The following TMEM164 variants were observed in gnomAD, a reference collection of about 807,000 sequenced individuals.
TMEM164 encodes transmembrane protein 164, also known as RP13-360B22.2.
TMEM164 carries 4 observed loss-of-function variants against 18.8 expected under a neutral mutation model. That is an observed-to-expected ratio of 0.21 (90% CI 0.10 to 0.49). The LOEUF is 0.49. TMEM164 is among the 20% of genes least tolerant of loss of function. The pLI, the probability that TMEM164 is intolerant of heterozygous loss-of-function variation, is 0.98. For synonymous variants in TMEM164, 86 were observed against 101.7 expected (o/e 0.85, Z 0.93); for missense variants, 108 against 239.9 (o/e 0.45, Z 3.63).
At chrX:110,093,377 G>A (rs2065963119) in intron 3 of TMEM164, among the ~76,000 whole-genome samples, 1 of 111,778 alleles carries the variant, frequency 8.9e-6, no homozygotes, top group Non-Finnish European at 1.9e-5. Context: ...GCCTGTTATT[G>A]TTATATTCAG....
At chrX:110,114,087 A>G (rs1271886823) in intron 4 of TMEM164, among the ~76,000 whole-genome samples, 2 of 111,823 alleles carry the variant, frequency 1.8e-5, no homozygotes, top group African/African-American at 6.5e-5. Flanking sequence ...TCAGTAGTCA[A>G]GGTGGGTGTC....
At chrX:110,163,656 G>A (rs1455067268) in intron 5 of TMEM164, among the ~76,000 whole-genome samples, 4 of 112,328 alleles carry the variant, frequency 3.6e-5, no homozygotes, top group Non-Finnish European at 7.5e-5. Context: ...TTTAGAACGG[G>A]AGCTATTAAA....
At chrX:110,017,405 C>CCTTCCTTTCTTT (rs1555984533) in intron 2 of TMEM164, among the ~76,000 whole-genome samples, 4 of 15,288 alleles carry the variant, frequency 2.6e-4, no homozygotes, top group African/African-American at 4.5e-4. Flanking sequence ...CCACCTCCTT[C>CCTTCCTTTCTTT]CTTTCTTTCT....
At chrX:110,144,741 T>A in intron 4 of TMEM164, 57 bp from the exon 5 acceptor site, 1 of 1,038,999 alleles carries the variant, frequency 9.6e-7, no homozygotes, top group African/African-American at 1.8e-5. Flanking sequence ...AACTTTGGAC[T>A]CTGTTGAAAT....
chrX:110,026,285 G>T (rs1934183168), intron 2 of TMEM164, among the ~76,000 whole-genome samples: 1 of 111,882 alleles, frequency 8.9e-6, no homozygotes, highest in African/African-American at 3.3e-5. Context: ...GTTGACTTTT[G>T]TTCCTTGTTA....
At chrX:110,071,374 GATTTTTTCATTTAA>G (rs1235352033) in intron 3 of TMEM164, among the ~76,000 whole-genome samples, 3 of 109,400 alleles carry the variant, frequency 2.7e-5, no homozygotes, top group Non-Finnish European at 3.8e-5. Flanking sequence ...GGTCATGTGG[GATTTTTTCATTTAA>G]ATTTTTGATA....
intron 3 of TMEM164, among the ~76,000 whole-genome samples, chrX:110,090,372 C>T (rs1451853892): frequency 9.3e-6 from 1 of 107,320 alleles, no homozygotes; most frequent in African/African-American, 3.4e-5. Context: ...GTGGCACAAT[C>T]TCGGCTCACT....
intron 5 of TMEM164, among the ~76,000 whole-genome samples, chrX:110,165,998 A>G (rs1196727797): frequency 1.8e-5 from 2 of 112,099 alleles, no homozygotes; most frequent in Admixed American, 9.4e-5. Context: ...CATTGTATAT[A>G]AGATAAAGGC....
At chrX:110,090,701 C>T (rs767079507) in intron 3 of TMEM164, among the ~76,000 whole-genome samples, 1 of 111,557 alleles carries the variant, frequency 9.0e-6, no homozygotes, top group South Asian at 3.7e-4. Context: ...AGTTGTCCTA[C>T]TTTCTTTATT....
chrX:110,172,134 C>T (rs2067239299), intron 6 of TMEM164, among the ~76,000 whole-genome samples: 1 of 111,783 alleles, frequency 8.9e-6, no homozygotes. Flanking sequence ...GGTCAGGAGA[C>T]CCAAGTTCAA....
chrX:110,085,513 T>A (rs994846874), intron 3 of TMEM164, among the ~76,000 whole-genome samples: 1 of 110,459 alleles, frequency 9.1e-6, no homozygotes, highest in African/African-American at 3.3e-5. Context: ...CTGTCTTTCA[T>A]CAAATACAGG....
chrX:110,171,369 G>A lies in TMEM164; in HGVS notation c.587-51G>A, dbSNP rs755918812. 4 of 950,785 alleles carry A rather than the reference G, an allele frequency of 4.2e-6. No individual in the cohort carries two copies. In the Admixed American group the frequency reaches 9.6e-5, roughly 23 times the overall value. 78.4% of individuals were successfully genotyped at this position (950,785 alleles called of 1,213,427 possible). The stretch of plus-strand genomic sequence containing the variant: ...GTACCTGCACCCTCATGGTACAAAG[G>A]TGAAGTGGGTCACTATTCCTGCCAT... On this transcript the variant is annotated intron_variant, in intron 5 of 6. Transcript: ENST00000372068.
At chrX:110,165,379 G>T (rs1205418484) in intron 5 of TMEM164, among the ~76,000 whole-genome samples, 1 of 112,856 alleles carries the variant, frequency 8.9e-6, no homozygotes, top group African/African-American at 3.2e-5. Context: ...TTATTTATTG[G>T]TTGGTGCAAG....
chrX:110,111,894 T>C (rs2066295082), intron 4 of TMEM164, among the ~76,000 whole-genome samples: 1 of 111,398 alleles, frequency 9.0e-6, no homozygotes, highest in African/African-American at 3.3e-5. Context: ...TGCTGAAGTA[T>C]CCTTAGTCCC....
Position 110,067,320 on chromosome X carries a change from CCATTCTT to C in TMEM164, c.391-26_391-20del, listed in dbSNP as rs778258199. ...TCTGTCTGGCATTTTTTCTTGCTAA[CCATTCTT>C]AATTCTTCTTCAATTGCAGATCTTT... On this transcript the variant is annotated intron_variant, in intron 2 of 6. Transcript: ENST00000372068. The C allele has an allele frequency of 5.8e-6, 7 of 1,202,543 alleles. No homozygotes were observed. In the East Asian group the frequency reaches 2.1e-4, roughly 36 times the overall value.
intron 3 of TMEM164, among the ~76,000 whole-genome samples, chrX:110,095,038 C>T (rs768339884): frequency 5.1e-4 from 57 of 112,125 alleles, no homozygotes; most frequent in African/African-American, 1.4e-3. Context: ...GAGTTTCTGC[C>T]GCAAGATCTG....
At chrX:110,073,214 T>G (rs2065622271) in intron 3 of TMEM164, among the ~76,000 whole-genome samples, 2 of 110,603 alleles carry the variant, frequency 1.8e-5, no homozygotes, top group South Asian at 7.8e-4. Flanking sequence ...TATTTTAGTT[T>G]TTGTAGAGAT....
intron 3 of TMEM164, among the ~76,000 whole-genome samples, chrX:110,095,005 C>T (rs1414395106): frequency 8.9e-6 from 1 of 111,847 alleles, no homozygotes; most frequent in Non-Finnish European, 1.9e-5. Context: ...TGAATATTGG[C>T]CCCCATTCTC....
intron 4 of TMEM164, among the ~76,000 whole-genome samples, chrX:110,129,606 T>A (rs2066584614): frequency 8.9e-6 from 1 of 112,777 alleles, no homozygotes; most frequent in Non-Finnish European, 1.9e-5. Flanking sequence ...TATCCAGGAC[T>A]TTTGGATGTT....
Sources: allele counts gnomAD v4.1 joint callset (sites outside exome capture counted in the v4.1 genomes callset), GRCh38; gene constraint gnomAD v4.1.1; transcripts MANE v1.5; gene names NCBI Gene and HGNC (gene_info 2026-07-23, HGNC 2026-07-21).